The following RBFOX1 variants were observed in gnomAD, a reference collection of about 807,000 sequenced individuals.
The protein encoded by RBFOX1 is RNA binding fox-1 homolog 1.
Under a neutral mutation model 57.7 loss-of-function variants are expected in RBFOX1, and 8 were observed. That is an observed-to-expected ratio of 0.14 (90% CI 0.08 to 0.25). The LOEUF (loss-of-function observed/expected upper bound fraction) is 0.25, where lower values mean the gene tolerates loss of function less well. Among genes scored for constraint, RBFOX1 ranks in the 10% least tolerant of loss-of-function variants. RBFOX1 has a pLI of 1.00. For missense variants in RBFOX1, 611 were observed against 548.5 expected (o/e 1.11, Z -1.14); for synonymous variants, 326 against 222.4 (o/e 1.47, Z -4.15).
chr16:6,919,023 C>A (rs1291224278), intron 3 of RBFOX1, among the ~76,000 whole-genome samples: 1 of 152,142 alleles, frequency 6.6e-6, no homozygotes, highest in Non-Finnish European at 1.5e-5. Flanking sequence ...CTCATTCATC[C>A]AGGCTGGAGT....
chr16:6,728,656 C>G (rs1176992733), intron 3 of RBFOX1, among the ~76,000 whole-genome samples: 1 of 152,116 alleles, frequency 6.6e-6, no homozygotes, highest in Non-Finnish European at 1.5e-5. Context: ...GATATTGATT[C>G]TGAATAATTC....
At chr16:7,023,048 A>C (rs781329645) in intron 3 of RBFOX1, among the ~76,000 whole-genome samples, 1 of 152,170 alleles carries the variant, frequency 6.6e-6, no homozygotes, top group Non-Finnish European at 1.5e-5. Flanking sequence ...TGACCATTTG[A>C]AGTGTAGAGA....
chr16:6,324,559 T>C (rs1341960895), intron 2 of RBFOX1, among the ~76,000 whole-genome samples: 1 of 152,118 alleles, frequency 6.6e-6, no homozygotes, highest in African/African-American at 2.4e-5. Context: ...CCATGCACTT[T>C]AAACAACCAG....
chr16:6,391,281 G>A (rs529197508), intron 2 of RBFOX1, among the ~76,000 whole-genome samples: 17 of 152,156 alleles, frequency 1.1e-4, no homozygotes, highest in East Asian at 9.7e-4. Flanking sequence ...AGGCCCAGGC[G>A]GGCCGATCAC....
At chr16:7,439,554 T>C (rs1207153623) in intron 4 of RBFOX1, among the ~76,000 whole-genome samples, 1 of 152,178 alleles carries the variant, frequency 6.6e-6, no homozygotes, top group Non-Finnish European at 1.5e-5. Flanking sequence ...ATATCTCCCT[T>C]AAAGAAAGGC....
Position 7,427,102 on chromosome 16 carries a change from C to T in RBFOX1, c.28-91045C>T, listed in dbSNP as rs150173882. 2.4e-3 allele frequency among the ~76,000 whole-genome samples: 370 copies of T among 152,220 alleles called. 1 individual carries two copies. The highest frequency in any genetic ancestry group is 7.7e-3 in the African/African-American group (319 of 41,528). ...ACACAAGGTGGGGAACATCGTGTGA[C>T]CGGGGCCTGTCATGCAGTGGGGGGA... On this transcript the variant is annotated intron_variant, in intron 4 of 15. Coordinates refer to ENST00000550418, the MANE Select transcript of RBFOX1 (RefSeq NM_018723.4).
At chr16:7,331,803 T>A (rs1289474167) in intron 4 of RBFOX1, among the ~76,000 whole-genome samples, 2 of 152,130 alleles carry the variant, frequency 1.3e-5, no homozygotes, top group Non-Finnish European at 2.9e-5. Context: ...TTATATTAAT[T>A]AATATATTAA....
intron 3 of RBFOX1, among the ~76,000 whole-genome samples, chr16:6,677,559 C>T (rs933178564): frequency 3.9e-5 from 6 of 152,044 alleles, no homozygotes; most frequent in South Asian, 2.1e-4. Flanking sequence ...AAATTAAGCC[C>T]GGAAGCAGAG....
At chr16:7,454,675 A>C (rs890687971) in intron 4 of RBFOX1, among the ~76,000 whole-genome samples, 5 of 152,146 alleles carry the variant, frequency 3.3e-5, no homozygotes, top group Non-Finnish European at 5.9e-5. Flanking sequence ...ATAGAACTTG[A>C]GAAGGAATAT....
chr16:5,465,002 A>G (rs2068908945), intron 1 of RBFOX1, among the ~76,000 whole-genome samples: 1 of 152,084 alleles, frequency 6.6e-6, no homozygotes, highest in African/African-American at 2.4e-5. Context: ...GGAGGAGAGG[A>G]CCTTGAAAAC....
intron 2 of RBFOX1, among the ~76,000 whole-genome samples, chr16:6,544,513 A>C (rs957910446): frequency 6.6e-6 from 1 of 152,092 alleles, no homozygotes; most frequent in Non-Finnish European, 1.5e-5. Context: ...TGTGAATTCA[A>C]CTCTGATCTC....
chr16:7,112,883 T>C (rs2065098897), intron 4 of RBFOX1, among the ~76,000 whole-genome samples: 2 of 152,146 alleles, frequency 1.3e-5, no homozygotes, highest in South Asian at 4.1e-4. Flanking sequence ...GACTGGGCTA[T>C]AATGCTACTT....
At chr16:7,182,764 C>G (rs756373218) in intron 4 of RBFOX1, among the ~76,000 whole-genome samples, 17 of 152,128 alleles carry the variant, frequency 1.1e-4, no homozygotes, top group Admixed American at 2.0e-4. Context: ...ATCAGATTTG[C>G]CTCACCCCTG....
chr16:7,034,064 G>C (rs901390842), intron 3 of RBFOX1, among the ~76,000 whole-genome samples: 1 of 152,200 alleles, frequency 6.6e-6, no homozygotes, highest in African/African-American at 2.4e-5. Flanking sequence ...TATGGCAGGG[G>C]ATGGGGACGC....
intron 4 of RBFOX1, among the ~76,000 whole-genome samples, chr16:7,291,313 A>T (rs899954727): frequency 6.6e-6 from 1 of 152,198 alleles, no homozygotes; most frequent in Non-Finnish European, 1.5e-5. Flanking sequence ...TGTGGCACCA[A>T]TGTGAGGTAT....
intron 3 of RBFOX1, among the ~76,000 whole-genome samples, chr16:6,943,991 C>G (rs1236478091): frequency 3.9e-5 from 6 of 152,110 alleles, no homozygotes; most frequent in East Asian, 1.9e-4. Context: ...ACGAACTGTT[C>G]ATTGCTCAAA....
chr16:6,349,161 A>G (rs17435736), intron 2 of RBFOX1, among the ~76,000 whole-genome samples: 3,892 of 152,228 alleles, frequency 0.026, 77 homozygotes, highest in Non-Finnish European at 0.033. Context: ...ACACATACTT[A>G]TTTTGAGCTG....
At chr16:7,193,628 G>C (rs1178553969) in intron 4 of RBFOX1, among the ~76,000 whole-genome samples, 1 of 152,168 alleles carries the variant, frequency 6.6e-6, no homozygotes, top group African/African-American at 2.4e-5. Context: ...TGTGTATTCT[G>C]CTTTATAACT....
chr16:6,286,830 T>C (rs1164659959), intron 1 of RBFOX1, among the ~76,000 whole-genome samples: 1 of 152,184 alleles, frequency 6.6e-6, no homozygotes, highest in Non-Finnish European at 1.5e-5. Flanking sequence ...AATAATATTA[T>C]TTATTTCTAT....
Sources: gnomAD v4.1 joint callset for allele counts (sites outside exome capture counted in the v4.1 genomes callset) on GRCh38, gnomAD v4.1.1 for gene constraint, MANE v1.5 for transcripts, NCBI Gene and HGNC (gene_info 2026-07-23, HGNC 2026-07-21) for gene names.